Variants in CCDC141 observed in about 807,000 individuals in gnomAD.
The protein encoded by CCDC141 is coiled-coil domain containing 141, also known as coiled-coil domain-containing protein 141.
In CCDC141, 168 loss-of-function variants were observed where a neutral mutation model predicts 181.0. That is an observed-to-expected ratio of 0.93 (90% CI 0.82 to 1.05). The LOEUF is 1.05. CCDC141 is among the 50% of genes least tolerant of loss of function. The probability of loss-of-function intolerance (pLI) is 0.00; values close to 1 mark genes in which losing one functional copy is unlikely to be tolerated. For missense variants in CCDC141, 1,902 were observed against 1,788.5 expected (o/e 1.06, Z -1.14); for synonymous variants, 666 against 642.3 (o/e 1.04, Z -0.56).
intron 2 of CCDC141, among the ~76,000 whole-genome samples, chr2:179,034,820 A>G (rs1047829318): frequency 1.1e-4 from 16 of 152,182 alleles, no homozygotes; most frequent in African/African-American, 3.6e-4. Context: ...ATCTTCTTAA[A>G]TGTTTACTGG....
chr2:178,821,950 A>G, the CCDC141 span, among the ~76,000 whole-genome samples: 2 of 152,330 alleles, frequency 1.3e-5, no homozygotes, highest in Non-Finnish European at 2.9e-5. Context: ...ATAAAGACAC[A>G]TGCACACGTA....
chr2:178,841,696 G>A (rs1396526703), intron 22 of CCDC141, among the ~76,000 whole-genome samples: 3 of 152,116 alleles, frequency 2.0e-5, no homozygotes, highest in African/African-American at 7.2e-5. Flanking sequence ...CAAGACTGGA[G>A]TGCAATGGCA....
At position 178,952,266 on chromosome 2, in the gene CCDC141, G is replaced by A. The variant is rs115039764; in HGVS notation, c.781-7615C>T. Among the ~76,000 whole-genome samples, 695 of 152,308 alleles carry A rather than the reference G, an allele frequency of 4.6e-3. 6 individuals carry two copies. Among genetic ancestry groups the A allele is most frequent in the African/African-American group, 0.016 (665 of 41,568 alleles). ...GATTTTGTATGCTAGTGATTATCCA[G>A]TAAAGCTCAGAAAGTGACCATCAAA... is the stretch of plus-strand genomic sequence containing the variant. On this transcript the variant is annotated intron_variant, in intron 5 of 23. Coordinates refer to ENST00000443758, the MANE Select transcript of CCDC141 (RefSeq NM_173648.4).
At chr2:178,964,018 G>C (rs1238510187) in intron 4 of CCDC141, among the ~76,000 whole-genome samples, 1 of 152,154 alleles carries the variant, frequency 6.6e-6, no homozygotes, top group African/African-American at 2.4e-5. Context: ...GATGGGGCTG[G>C]GGGTAGGGTT....
At chr2:179,007,996 A>C (rs994014984) in intron 2 of CCDC141, among the ~76,000 whole-genome samples, 3 of 152,210 alleles carry the variant, frequency 2.0e-5, no homozygotes, top group Non-Finnish European at 4.4e-5. Flanking sequence ...TCAGGGTAAC[A>C]GTGTTCACAA....
rs1686801091 is a variant in CCDC141 at position 178,884,796 on chromosome 2, A to G, written c.1719+105T>C. The G allele has an allele frequency of 3.8e-6, 3 of 788,400 alleles. No homozygotes were observed. The South Asian group carries it at 5.8e-5, about 15-fold the overall frequency. The allele number at this position is 788,400 out of a possible 1,614,324, so 48.8% of individuals were successfully genotyped here. ...TATAAGTGAGCCCACGCACAGGGGT[A>G]GAGGATATGGACCTACCCACCAAGG... On this transcript the variant is annotated intron_variant, in intron 11 of 23. Coordinates refer to ENST00000443758, the MANE Select transcript of CCDC141 (RefSeq NM_173648.4).
chr2:178,856,234 T>A, intron 18 of CCDC141, 23 bp downstream of exon 18: 1 of 1,590,518 alleles, frequency 6.3e-7, no homozygotes, highest in Middle Eastern at 1.7e-4. Flanking sequence ...TGCGCACATA[T>A]ACAAACCATA....
intron 5 of CCDC141, among the ~76,000 whole-genome samples, chr2:178,945,850 C>G (rs1000197523): frequency 1.1e-5 from 1 of 87,112 alleles, no homozygotes; most frequent in Non-Finnish European, 2.1e-5. Context: ...ATGACACATG[C>G]GTGCACACAC....
At chr2:178,951,037 C>T (rs914923090) in intron 5 of CCDC141, among the ~76,000 whole-genome samples, 1 of 152,124 alleles carries the variant, frequency 6.6e-6, no homozygotes, top group South Asian at 2.1e-4. Context: ...TTATTTAGTC[C>T]AGTGGACAAA....
At chr2:178,890,865 A>C (rs1260612231) in intron 8 of CCDC141, among the ~76,000 whole-genome samples, 1 of 152,072 alleles carries the variant, frequency 6.6e-6, no homozygotes, top group African/African-American at 2.4e-5. Flanking sequence ...CTACTATTTA[A>C]TACATTCTCG....
At chr2:178,857,620 A>C (rs1685442109) in intron 17 of CCDC141, among the ~76,000 whole-genome samples, 1 of 152,202 alleles carries the variant, frequency 6.6e-6, no homozygotes, top group African/African-American at 2.4e-5. Flanking sequence ...TAAGAAGGAT[A>C]AGCATATCGA....
intron 17 of CCDC141, among the ~76,000 whole-genome samples, chr2:178,860,428 G>T (rs542589786): frequency 2.6e-5 from 4 of 151,260 alleles, no homozygotes; most frequent in Non-Finnish European, 4.4e-5. Context: ...AGCTACTCAG[G>T]AGGCTGAGGC....
At chr2:178,839,326 T>A (rs1684620145) in intron 22 of CCDC141, among the ~76,000 whole-genome samples, 1 of 151,064 alleles carries the variant, frequency 6.6e-6, no homozygotes, top group Admixed American at 6.6e-5. Flanking sequence ...GGCAGGAGAA[T>A]CTCTTGAACC....
intron 17 of CCDC141, among the ~76,000 whole-genome samples, chr2:178,860,330 C>A (rs1428778898): frequency 6.6e-6 from 1 of 151,730 alleles, no homozygotes; most frequent in Admixed American, 6.6e-5. Context: ...GTCAGGAGTT[C>A]AAGACCAGCC....
chr2:178,938,394 T>C (rs1227241481), intron 6 of CCDC141, among the ~76,000 whole-genome samples: 1 of 152,134 alleles, frequency 6.6e-6, no homozygotes, highest in Non-Finnish European at 1.5e-5. Flanking sequence ...TTTCATGTAA[T>C]TGCATGGTCT....
chr2:178,908,129 A>C (rs969311623), intron 7 of CCDC141, among the ~76,000 whole-genome samples: 136 of 152,320 alleles, frequency 8.9e-4, no homozygotes, highest in African/African-American at 3.0e-3. Flanking sequence ...TTTTAAATAC[A>C]TTTTAAAATT....
chr2:178,887,174 A>C lies in CCDC141; in HGVS notation c.1408-303T>G, dbSNP rs531820438. Among the ~76,000 whole-genome samples, 90 of 152,290 alleles carry C rather than the reference A, an allele frequency of 5.9e-4. 2 individuals are homozygous for C. Among genetic ancestry groups the C allele is most frequent in the Admixed American group, 8.5e-4 (13 of 15,290 alleles). ...CTCTAAGAACTTATCTATATTACCT[A>C]TGAAGGATAATGCACTTGCTAACAC... On this transcript the variant is annotated intron_variant, in intron 9 of 23. Coordinates refer to ENST00000443758, the MANE Select transcript of CCDC141 (RefSeq NM_173648.4).
Position 178,888,599 on chromosome 2 carries a change from C to T in CCDC141, c.1335G>A (p.Gln445=). 1.3e-6 allele frequency: 2 copies of T among 1,550,788 alleles called. No individual in the cohort carries two copies. Among genetic ancestry groups the T allele is most frequent in the Middle Eastern group, 3.3e-4 (2 of 5,992 alleles). The change falls in exon 9 of 24, where the codon CAG becomes CAA. Residue 445 remains glutamine (Q), a synonymous_variant. Coordinates refer to ENST00000443758, the MANE Select transcript of CCDC141 (RefSeq NM_173648.4). ...IKRRVDHLTE[Q]CSAHKEYALK... ...GAGCATATTCCTTGTGCGCTGAACACTGTTCGGTCAGATGATCCACTCGTC... is the reference window on the plus strand; with the variant it reads ...GAGCATATTCCTTGTGCGCTGAACATTGTTCGGTCAGATGATCCACTCGTC...
intron 4 of CCDC141, among the ~76,000 whole-genome samples, chr2:178,970,609 G>GA (rs1690843001): frequency 6.6e-6 from 1 of 152,090 alleles, no homozygotes; most frequent in African/African-American, 2.4e-5. Flanking sequence ...CACCTTATAT[G>GA]AAAATCAACT....
Sources: gnomAD v4.1 joint callset for allele counts (sites outside exome capture counted in the v4.1 genomes callset) on GRCh38, gnomAD v4.1.1 for gene constraint, MANE v1.5 for transcripts, NCBI Gene and HGNC (gene_info 2026-07-23, HGNC 2026-07-21) for gene names.